Variants in BTBD9 observed in about 807,000 individuals in gnomAD.
The protein encoded by BTBD9 is BTB domain containing 9.
In BTBD9, 49 loss-of-function variants were observed where a neutral mutation model predicts 64.3. The ratio of observed to expected loss-of-function variants is 0.76; its 90% CI spans 0.61 to 0.97. The LOEUF (loss-of-function observed/expected upper bound fraction) is 0.97. Ranked by LOEUF, BTBD9 falls within the 50% of genes least tolerant of loss-of-function variation. The pLI is 0.00. For missense variants in BTBD9, 598 were observed against 762.1 expected (o/e 0.78, Z 2.53); for synonymous variants, 260 against 274.7 (o/e 0.95, Z 0.53).
chr6:38,215,983 G>A (rs1762997514), intron 9 of BTBD9, among the ~76,000 whole-genome samples: 1 of 152,204 alleles, frequency 6.6e-6, no homozygotes, highest in African/African-American at 2.4e-5. Flanking sequence ...CAGGGGGAAG[G>A]CCCTCAATAT....
At chr6:38,407,146 G>A (rs1336721362) in intron 6 of BTBD9, among the ~76,000 whole-genome samples, 1 of 152,174 alleles carries the variant, frequency 6.6e-6, no homozygotes, top group African/African-American at 2.4e-5. Context: ...TTTCCTACAG[G>A]TTTGGAAAAG....
At chr6:38,382,985 T>C (rs1425383050) in intron 6 of BTBD9, among the ~76,000 whole-genome samples, 1 of 152,164 alleles carries the variant, frequency 6.6e-6, no homozygotes, top group African/African-American at 2.4e-5. Flanking sequence ...ACAATTTTAA[T>C]ATATACAAAT....
rs146276638 is a variant in BTBD9 at position 38,574,432 on chromosome 6, T to C, written c.1154+3168A>G. On this transcript the variant is annotated intron_variant, in intron 6 of 10. Transcript: ENST00000481247. ...TTGGACTGTATGTATGGGTTGGCGA[T>C]ACAAAAAAGTACCAAAAAGACTAGG... Among the ~76,000 whole-genome samples the C allele has an allele frequency of 5.3e-5, 8 of 152,220 alleles. No individual in the cohort carries two copies. In the East Asian group the frequency reaches 1.4e-3, roughly 26 times the overall value.
chr6:38,620,881 A>G (rs577176390), intron 1 of BTBD9, among the ~76,000 whole-genome samples: 1 of 152,280 alleles, frequency 6.6e-6, no homozygotes, highest in African/African-American at 2.4e-5. Context: ...GTCATCTAGT[A>G]GAAAGGGAAC....
Position 38,577,616 on chromosome 6 carries a change from G to T in BTBD9, c.1138C>A (p.Pro380Thr), listed in dbSNP as rs1426550616. The T allele has an allele frequency of 6.2e-7, 1 of 1,608,342 alleles. No individual in the cohort carries two copies. ...LCRSWQKLYF[P>T]ARVCRYIRIV... is the part of the protein sequence containing the mutation. ...AAAACTAACCTGCAGACACGGGCTG[G>T]AAAATATAATTTCTGCCAAGAACGA... Residue 380 changes from proline (P) to threonine (T), a missense_variant, in exon 6 of 11, where the codon CCA becomes ACA. Physicochemically the swap from Pro to Thr is conservative, Grantham distance 38 (BLOSUM62 -1). Transcript: ENST00000481247.
chr6:38,344,763 T>C (rs1764217847), intron 7 of BTBD9, among the ~76,000 whole-genome samples: 1 of 152,248 alleles, frequency 6.6e-6, no homozygotes, highest in African/African-American at 2.4e-5. Flanking sequence ...TTTTCAATTC[T>C]TTAGCACTAG....
At chr6:38,550,732 A>C (rs1774760617) in intron 6 of BTBD9, among the ~76,000 whole-genome samples, 1 of 152,094 alleles carries the variant, frequency 6.6e-6, no homozygotes, top group South Asian at 2.1e-4. Flanking sequence ...CATCCAAGCC[A>C]CCACTATCTT....
rs772386134 is a variant in BTBD9 at position 38,580,296 on chromosome 6, C to T, written c.956G>A (p.Arg319His). The change falls in exon 5 of 11, where the codon CGT becomes CAT. Residue 319 changes from arginine (R) to histidine (H), a missense_variant. Arg to His is a conservative substitution (Grantham distance 29). Transcript: ENST00000481247. ...FSRHPIDDDC[R>H]SGIEIKLGQP... The stretch of plus-strand genomic sequence containing the variant: ...ACCTAGCTTAATCTCGATGCCGGAA[C>T]GGCAGTCATCATCAATTGGGTGCCT... 2.2e-5 allele frequency: 36 copies of T among 1,614,038 alleles called. No individual in the cohort carries two copies. Among genetic ancestry groups the T allele is most frequent in the Non-Finnish European group, 3.0e-5 (35 of 1,180,044 alleles).
At chr6:38,195,587 G>A (rs952003564) in intron 9 of BTBD9, among the ~76,000 whole-genome samples, 4 of 152,098 alleles carry the variant, frequency 2.6e-5, no homozygotes, top group Non-Finnish European at 4.4e-5. Flanking sequence ...CTGACTGGAT[G>A]AACCGTTACC....
chr6:38,623,121 T>G (rs1393056664), intron 1 of BTBD9, among the ~76,000 whole-genome samples: 1 of 151,766 alleles, frequency 6.6e-6, no homozygotes, highest in African/African-American at 2.4e-5. Context: ...CTCACACACC[T>G]TTTTAACATA....
At chr6:38,414,052 A>G (rs1767556172) in intron 6 of BTBD9, among the ~76,000 whole-genome samples, 1 of 152,162 alleles carries the variant, frequency 6.6e-6, no homozygotes, top group African/African-American at 2.4e-5. Context: ...ATGCTCATTT[A>G]ACATAGTCCA....
At chr6:38,190,666 G>A (rs954607504) in intron 10 of BTBD9, among the ~76,000 whole-genome samples, 2 of 152,112 alleles carry the variant, frequency 1.3e-5, no homozygotes, top group African/African-American at 4.8e-5. Flanking sequence ...CAAAGTGGTT[G>A]GGGCCCCTTG....
At chr6:38,595,846 C>A in intron 2 of BTBD9, 1 of 985,366 alleles carries the variant, frequency 1.0e-6, no homozygotes, top group Non-Finnish European at 1.2e-6. Context: ...AACCATTACC[C>A]TAAAATTACC....
chr6:38,217,660 C>T (rs937818427), intron 9 of BTBD9, among the ~76,000 whole-genome samples: 4 of 151,152 alleles, frequency 2.6e-5, no homozygotes, highest in African/African-American at 9.7e-5. Flanking sequence ...GGTTTGGGCC[C>T]AGTTTGGTTT....
At chr6:38,522,519 G>C (rs1773316799) in intron 6 of BTBD9, among the ~76,000 whole-genome samples, 1 of 152,102 alleles carries the variant, frequency 6.6e-6, no homozygotes, top group Non-Finnish European at 1.5e-5. Context: ...CGTCCGTCTG[G>C]GTCTTCTCCC....
intron 6 of BTBD9, among the ~76,000 whole-genome samples, chr6:38,481,067 A>T (rs756307241): frequency 3.9e-5 from 6 of 152,350 alleles, no homozygotes; most frequent in Non-Finnish European, 7.3e-5. Flanking sequence ...AAGGAAGTGA[A>T]GACAGAAACA....
chr6:38,446,361 G>C (rs768008583), intron 6 of BTBD9, among the ~76,000 whole-genome samples: 10 of 151,934 alleles, frequency 6.6e-5, no homozygotes, highest in Non-Finnish European at 1.3e-4. Flanking sequence ...GCAAAAGAAA[G>C]AGAATAGCTC....
intron 6 of BTBD9, among the ~76,000 whole-genome samples, chr6:38,412,090 G>A (rs547387465): frequency 2.0e-5 from 3 of 151,722 alleles, no homozygotes; most frequent in Admixed American, 6.6e-5. Context: ...TCATCCAGAT[G>A]CAAAAAGGAA....
intron 6 of BTBD9, among the ~76,000 whole-genome samples, chr6:38,545,485 A>G (rs1774490753): frequency 1.3e-5 from 2 of 152,184 alleles, no homozygotes; most frequent in African/African-American, 4.8e-5. Context: ...ACACTTTAAA[A>G]GAATGAATTT....
Sources: allele counts gnomAD v4.1 joint callset (sites outside exome capture counted in the v4.1 genomes callset), GRCh38; gene constraint gnomAD v4.1.1; transcripts MANE v1.5; gene names NCBI Gene and HGNC (gene_info 2026-07-23, HGNC 2026-07-21).